The following PTPRU variants were observed in gnomAD, a reference collection of about 807,000 sequenced individuals.
PTPRU encodes the protein receptor-type tyrosine-protein phosphatase U.
Under a neutral mutation model 166.3 loss-of-function variants are expected in PTPRU, and 69 were observed. The observed-to-expected ratio is 0.41, with a 90% CI of 0.34 to 0.51. The LOEUF is 0.51. PTPRU is among the 20% of genes least tolerant of loss of function. PTPRU has a pLI of 0.09. For synonymous variants in PTPRU, 793 were observed against 814.0 expected, an observed-to-expected ratio of 0.97 and a Z score of 0.44; for missense variants, 1,657 against 2,013.7, an observed-to-expected ratio of 0.82 and a Z score of 3.39.
At chr1:29,274,596 A>T (rs1385565547) in intron 7 of PTPRU, among the ~76,000 whole-genome samples, 23 of 151,842 alleles carry the variant, frequency 1.5e-4, no homozygotes, top group Admixed American at 1.4e-3. Flanking sequence ...TTCCCTCATT[A>T]CCCTGATTTC....
At chr1:29,284,051 A>C in intron 13 of PTPRU, 75 bp downstream of exon 13, 1 of 1,564,646 alleles carries the variant, frequency 6.4e-7, no homozygotes, top group Non-Finnish European at 8.8e-7. Context: ...GTGGATCCTG[A>C]GGACCTACGG....
intron 7 of PTPRU, among the ~76,000 whole-genome samples, chr1:29,264,976 A>G (rs113877816): frequency 5.4e-4 from 82 of 152,330 alleles, no homozygotes; most frequent in African/African-American, 1.8e-3. Flanking sequence ...CATGCTGTGG[A>G]AATGCCAGTT....
At position 29,311,045 on chromosome 1, in the gene PTPRU, G is replaced by A. The variant is rs181899732; in HGVS notation, c.2857+265G>A. On this transcript the variant is annotated intron_variant, in intron 19 of 29. Transcript: ENST00000373779. The surrounding 1 kb of genome is among the most constrained non-coding windows in gnomAD (Gnocchi z 4.1). ...TCTGTTGCTCCTGGTCTACCTGCCTGTCTCCAAAGTGGTGTCTGTAAAAGG... is the reference window on the plus strand; with the variant it reads ...TCTGTTGCTCCTGGTCTACCTGCCTATCTCCAAAGTGGTGTCTGTAAAAGG... 5.2e-3 allele frequency among the ~76,000 whole-genome samples: 788 copies of A among 152,284 alleles called. 2 individuals carry two copies. The highest frequency in any genetic ancestry group is 8.9e-3 in the Non-Finnish European group (608 of 68,030).
At chr1:29,292,309 G>A (rs865914597) in intron 15 of PTPRU, among the ~76,000 whole-genome samples, 13 of 152,210 alleles carry the variant, frequency 8.5e-5, no homozygotes, top group Admixed American at 2.6e-4. Flanking sequence ...AGGGATCAGA[G>A]TGGCCTCACC....
chr1:29,317,935 G>A lies in PTPRU; in HGVS notation c.3687+14G>A, dbSNP rs139351927. On this transcript the variant is annotated intron_variant, in intron 25 of 29. Transcript: ENST00000373779. The surrounding 1 kb of genome is among the most constrained non-coding windows in gnomAD (Gnocchi z 5.6). ...GCCCTGACTGACGTGAGAGCTTGGG[G>A]TGGAGTGGGCTCTGGGGCTCCCCTT... 9,087 of 1,613,102 alleles carry A rather than the reference G, an allele frequency of 5.6e-3. 36 individuals are homozygous for A. Among genetic ancestry groups the A allele is most frequent in the Non-Finnish European group, 6.3e-3 (7,477 of 1,179,808 alleles).
At chr1:29,247,202 C>T (rs1397631866) in intron 1 of PTPRU, among the ~76,000 whole-genome samples, 1 of 152,248 alleles carries the variant, frequency 6.6e-6, no homozygotes, top group Non-Finnish European at 1.5e-5. Flanking sequence ...TTCCTCCATA[C>T]ACCTATCACG....
At chr1:29,266,000 T>G (rs1341836478) in intron 7 of PTPRU, among the ~76,000 whole-genome samples, 1 of 150,514 alleles carries the variant, frequency 6.6e-6, no homozygotes, top group Non-Finnish European at 1.5e-5. Flanking sequence ...TCCCAAAGAT[T>G]TTCTCCTGGG....
At chr1:29,297,585 A>T (rs1248533147) in intron 15 of PTPRU, among the ~76,000 whole-genome samples, 1 of 152,140 alleles carries the variant, frequency 6.6e-6, no homozygotes, top group Non-Finnish European at 1.5e-5. Context: ...GAGGCACTGT[A>T]TGTGCAAATG....
At position 29,236,928 on chromosome 1, in the gene PTPRU, T is replaced by G. The variant is rs181067344; in HGVS notation, c.73+211T>G. 1.6e-4 allele frequency among the ~76,000 whole-genome samples: 24 copies of G among 152,150 alleles called. No individual in the cohort carries two copies. Among genetic ancestry groups the G allele is most frequent in the Non-Finnish European group, 2.8e-4 (19 of 68,000 alleles). On this transcript the variant is annotated intron_variant, in intron 1 of 29. Transcript: ENST00000373779. The surrounding 1 kb of genome is among the most constrained non-coding windows in gnomAD (Gnocchi z 4.6). Reference sequence around the variant, plus strand: ...GTTCTGTGCGCAAGAAAAGGTGATGTGTGTCGGCGAGTATGTTGGGGGTGA... The same window carrying G: ...GTTCTGTGCGCAAGAAAAGGTGATGGGTGTCGGCGAGTATGTTGGGGGTGA...
intron 2 of PTPRU, 26 bp from the exon 3 acceptor site, chr1:29,258,479 C>T (rs1390317648): frequency 5.6e-6 from 9 of 1,605,388 alleles, no homozygotes; most frequent in Non-Finnish European, 7.7e-6. Context: ...CTCCTCATCT[C>T]CTGCCTCTTC....
intron 7 of PTPRU, among the ~76,000 whole-genome samples, chr1:29,269,260 T>TTTTTA (rs1685455437): frequency 8.6e-6 from 1 of 116,010 alleles, no homozygotes; most frequent in Non-Finnish European, 1.8e-5. Flanking sequence ...TTTTTTTTTT[T>TTTTTA]TTTTTTTTTT....
intron 13 of PTPRU, among the ~76,000 whole-genome samples, chr1:29,284,487 A>G (rs1686250327): frequency 6.6e-6 from 1 of 152,136 alleles, no homozygotes; most frequent in Non-Finnish European, 1.5e-5. Context: ...GGAGGATCTG[A>G]GAAAGTGGGA....
intron 1 of PTPRU, among the ~76,000 whole-genome samples, chr1:29,242,692 G>T (rs568201957): frequency 8.5e-5 from 13 of 152,196 alleles, no homozygotes; most frequent in Non-Finnish European, 1.3e-4. Flanking sequence ...TGGTCTAGAG[G>T]CATGAGGCGG....
chr1:29,273,324 A>G (rs938996203), intron 7 of PTPRU, among the ~76,000 whole-genome samples: 1 of 152,030 alleles, frequency 6.6e-6, no homozygotes, highest in Admixed American at 6.5e-5. Context: ...GCTGGAGTGC[A>G]GTGGTGCGAT....
chr1:29,267,995 G>C (rs1685379597), intron 7 of PTPRU, among the ~76,000 whole-genome samples: 1 of 152,156 alleles, frequency 6.6e-6, no homozygotes, highest in Admixed American at 6.5e-5. Flanking sequence ...TGGGATGAGA[G>C]AAAGGGAAAT....
intron 5 of PTPRU, 36 bp downstream of exon 5, chr1:29,259,600 T>TTTTTGTGGGGGGGGGGGGGGGG: frequency 7.9e-6 from 2 of 253,432 alleles, no homozygotes; most frequent in Non-Finnish European, 1.5e-5. Flanking sequence ...GGGGGCGGGG[T>TTTTTGTGGGGGGGGGGGGGGGG]GGGAGGGGGT....
intron 15 of PTPRU, among the ~76,000 whole-genome samples, chr1:29,299,478 C>T (rs1005011371): frequency 9.2e-5 from 14 of 152,196 alleles, no homozygotes; most frequent in Non-Finnish European, 5.9e-5. Flanking sequence ...TTGGGAACAT[C>T]ATCATCCCTT....
intron 5 of PTPRU, 139 bp from the exon 6 acceptor site, chr1:29,259,731 T>A: frequency 7.9e-7 from 1 of 1,271,590 alleles, no homozygotes; most frequent in African/African-American, 1.5e-5. Context: ...GGGTCCCCCA[T>A]TCCCCCAGGT....
At chr1:29,325,133 C>T in intron 28 of PTPRU, 58 bp from the exon 29 acceptor site, 2 of 1,606,664 alleles carry the variant, frequency 1.2e-6, no homozygotes, top group South Asian at 1.1e-5. Context: ...TTCCCTGGCC[C>T]TTTTCTTACC....
Sources: gnomAD v4.1 joint callset for allele counts (sites outside exome capture counted in the v4.1 genomes callset) on GRCh38, gnomAD v4.1.1 for gene constraint, Gnocchi (gnomAD v3.1) non-coding constraint, MANE v1.5 for transcripts, NCBI Gene and HGNC (gene_info 2026-07-23, HGNC 2026-07-21) for gene names.